The following MBD5 variants were observed in gnomAD, a reference collection of about 807,000 sequenced individuals.
MBD5 encodes the protein methyl-CpG binding domain protein 5, also known as methyl-CpG-binding domain protein 5.
MBD5 carries 13 observed loss-of-function variants against 117.3 expected under a neutral mutation model. That is an observed-to-expected ratio of 0.11 (90% CI 0.07 to 0.18). The LOEUF (loss-of-function observed/expected upper bound fraction) is 0.18. Among genes scored for constraint, MBD5 ranks in the 10% least tolerant of loss-of-function variants. The pLI, the probability that MBD5 is intolerant of heterozygous loss-of-function variation, is 1.00. For synonymous variants in MBD5, 727 were observed against 766.4 expected, an observed-to-expected ratio of 0.95 and a Z score of 0.85; for missense variants, 1,879 against 2,093.8, an observed-to-expected ratio of 0.90 and a Z score of 2.00.
chr2:148,165,204 C>T (rs1260685046), intron 1 of MBD5, among the ~76,000 whole-genome samples: 4 of 152,106 alleles, frequency 2.6e-5, no homozygotes, highest in Non-Finnish European at 5.9e-5. Context: ...ATTTGTTCCT[C>T]TTTTATCTTT....
chr2:148,316,761 G>A lies in MBD5; in HGVS notation c.-679-25453G>A, dbSNP rs574753750. On this transcript the variant is annotated intron_variant, in intron 3 of 13. Transcript: ENST00000642680. ...GTTAATAATAAAAATATTTTTAAAA[G>A]GAAAAAGGAGGAAAATTGTACATAC... Among the ~76,000 whole-genome samples, 30 of 152,056 alleles carry A rather than the reference G, an allele frequency of 2.0e-4. No individual in the cohort carries two copies. The South Asian group carries it at 3.3e-3, about 17-fold the overall frequency.
At chr2:148,356,178 G>A (rs1338675224) in intron 4 of MBD5, among the ~76,000 whole-genome samples, 1 of 152,038 alleles carries the variant, frequency 6.6e-6, no homozygotes, top group Admixed American at 6.6e-5. Context: ...GTGTGAAAAG[G>A]GCTTTTGCAT....
At chr2:148,176,876 C>T (rs942341657) in intron 1 of MBD5, among the ~76,000 whole-genome samples, 1 of 119,266 alleles carries the variant, frequency 8.4e-6, no homozygotes, top group African/African-American at 3.4e-5. Context: ...AACTTAAGGA[C>T]AAAAAAAAAA....
At chr2:148,460,443 T>C (rs1055495564) in intron 5 of MBD5, among the ~76,000 whole-genome samples, 1 of 152,160 alleles carries the variant, frequency 6.6e-6, no homozygotes, top group Non-Finnish European at 1.5e-5. Context: ...TAAAACACTC[T>C]CAAATTAAAT....
rs1390632347 is a variant in MBD5, at chr2:148,430,495, C to T, written c.-556-27708C>T. Among the ~76,000 whole-genome samples, 3 of 152,048 alleles carry T rather than the reference C, an allele frequency of 2.0e-5. No homozygotes were observed. In the East Asian group the frequency reaches 5.8e-4, roughly 29 times the overall value. On this transcript the variant is annotated intron_variant, in intron 4 of 13. Coordinates refer to ENST00000642680, the MANE Select transcript of MBD5 (RefSeq NM_001378120.1). ...GTGTGTTTCCAATAGATTGAGCACA[C>T]TGGTTTATTATAGTTTAGATCTTGT...
intron 4 of MBD5, among the ~76,000 whole-genome samples, chr2:148,454,305 T>C (rs1706816591): frequency 6.6e-6 from 1 of 152,148 alleles, no homozygotes; most frequent in South Asian, 2.1e-4. Context: ...GCAGATCCAT[T>C]AACATGATTG....
intron 2 of MBD5, among the ~76,000 whole-genome samples, chr2:148,213,696 A>C (rs140845102): frequency 0.011 from 1,674 of 152,296 alleles, 22 homozygotes; most frequent in African/African-American, 0.037. Context: ...AATTTCTTTT[A>C]ACACAGACTT....
chr2:148,283,224 G>A (rs1701292552), intron 3 of MBD5, among the ~76,000 whole-genome samples: 2 of 152,076 alleles, frequency 1.3e-5, no homozygotes, highest in South Asian at 2.1e-4. Flanking sequence ...CTTTGTTACA[G>A]CAGCTTCCTT....
intron 3 of MBD5, among the ~76,000 whole-genome samples, chr2:148,328,538 T>A (rs1702535565): frequency 6.6e-6 from 1 of 152,228 alleles, no homozygotes; most frequent in Non-Finnish European, 1.5e-5. Context: ...GGATATAATC[T>A]CCTGGTGCAC....
intron 1 of MBD5, among the ~76,000 whole-genome samples, chr2:148,077,647 C>G (rs887222428): frequency 9.9e-5 from 15 of 151,974 alleles, no homozygotes; most frequent in Admixed American, 9.2e-4. Context: ...GTTGATAATA[C>G]CTAAGGACGT....
At chr2:148,121,563 G>C (rs576317198) in intron 1 of MBD5, among the ~76,000 whole-genome samples, 1 of 151,986 alleles carries the variant, frequency 6.6e-6, no homozygotes, top group East Asian at 1.9e-4. Flanking sequence ...AAGTCCATTT[G>C]GTTTGTTTTT....
chr2:148,403,754 A>G lies in MBD5; in HGVS notation c.-556-54449A>G, dbSNP rs1030092752. ...CAAATCTACCTGCACTCATATCTGTATGTGTGTGTATTTCGTTCAATACAA... is the reference window on the plus strand; with the variant it reads ...CAAATCTACCTGCACTCATATCTGTGTGTGTGTGTATTTCGTTCAATACAA... On this transcript the variant is annotated intron_variant, in intron 4 of 13. Coordinates refer to ENST00000642680, the MANE Select transcript of MBD5 (RefSeq NM_001378120.1). Among the ~76,000 whole-genome samples the G allele has an allele frequency of 1.0e-4, 15 of 148,058 alleles. No homozygotes were observed. In the East Asian group the frequency reaches 2.9e-3, roughly 28 times the overall value.
intron 2 of MBD5, among the ~76,000 whole-genome samples, chr2:148,184,520 G>A (rs770163066): frequency 1.3e-4 from 20 of 151,834 alleles, no homozygotes; most frequent in Non-Finnish European, 2.4e-4. Flanking sequence ...ATATTTCTGC[G>A]TGCTTCTTTG....
intron 1 of MBD5, chr2:148,027,186 C>T (rs1490515480): frequency 2.0e-5 from 3 of 152,006 alleles, no homozygotes; most frequent in Non-Finnish European, 4.4e-5. Context: ...CTCTATCATA[C>T]ATTTTCATAA....
intron 4 of MBD5, among the ~76,000 whole-genome samples, chr2:148,446,229 T>C (rs536912650): frequency 1.3e-5 from 2 of 152,092 alleles, no homozygotes; most frequent in Non-Finnish European, 2.9e-5. Context: ...CTGAATGGTA[T>C]TGCCTAGGTT....
intron 2 of MBD5, among the ~76,000 whole-genome samples, chr2:148,221,611 A>G (rs560194958): frequency 6.6e-5 from 10 of 152,118 alleles, no homozygotes. Flanking sequence ...TAATCAGATT[A>G]TCAGATTTTT....
chr2:148,407,652 C>T (rs1383529055), intron 4 of MBD5, among the ~76,000 whole-genome samples: 1 of 152,076 alleles, frequency 6.6e-6, no homozygotes, highest in African/African-American at 2.4e-5. Context: ...ATACCTGAAA[C>T]ACTAGAGTTA....
chr2:148,051,700 G>C (rs939210810), intron 1 of MBD5, among the ~76,000 whole-genome samples: 1 of 151,054 alleles, frequency 6.6e-6, no homozygotes, highest in South Asian at 2.1e-4. Flanking sequence ...CATTTGTTGA[G>C]ATGATCATAT....
chr2:148,428,783 G>A (rs1382413526), intron 4 of MBD5, among the ~76,000 whole-genome samples: 2 of 152,120 alleles, frequency 1.3e-5, no homozygotes, highest in African/African-American at 4.8e-5. Flanking sequence ...GGGAAAACTA[G>A]CTAGCCATAG....
Sources: gnomAD v4.1 joint callset for allele counts (sites outside exome capture counted in the v4.1 genomes callset) on GRCh38, gnomAD v4.1.1 for gene constraint, MANE v1.5 for transcripts, NCBI Gene and HGNC (gene_info 2026-07-23, HGNC 2026-07-21) for gene names.